The following AUTS2 variants were observed in gnomAD, a reference collection of about 807,000 sequenced individuals.
AUTS2 encodes activator of transcription and developmental regulator AUTS2.
A neutral mutation model predicts 112.4 loss-of-function variants in AUTS2; 17 were observed. The observed-to-expected ratio is 0.15, with a 90% confidence interval of 0.10 to 0.23. The LOEUF (loss-of-function observed/expected upper bound fraction) is 0.23, where lower values mean the gene tolerates loss of function less well. AUTS2 is among the 10% of genes least tolerant of loss of function. The pLI is 1.00. For synonymous variants in AUTS2, 751 were observed against 702.7 expected, an observed-to-expected ratio of 1.07 and a Z score of -1.09; for missense variants, 1,510 against 1,701.6, an observed-to-expected ratio of 0.89 and a Z score of 1.98.
At chr7:70,685,472 CAAAAAAAAAA>C (rs34403837) in intron 5 of AUTS2, among the ~76,000 whole-genome samples, 2 of 65,964 alleles carry the variant, frequency 3.0e-5, no homozygotes, top group Admixed American at 3.1e-4. Context: ...GACTCTGTCT[CAAAAAAAAAA>C]AAAAAAAAAA....
At chr7:70,432,268 T>G (rs1471572040) in intron 4 of AUTS2, among the ~76,000 whole-genome samples, 1 of 152,184 alleles carries the variant, frequency 6.6e-6, no homozygotes, top group Non-Finnish European at 1.5e-5. Flanking sequence ...CCCAGCCTCA[T>G]GCAGAACATA....
At chr7:69,684,287 C>T (rs1441207583) in intron 1 of AUTS2, among the ~76,000 whole-genome samples, 2 of 152,100 alleles carry the variant, frequency 1.3e-5, no homozygotes, top group Admixed American at 6.5e-5. Flanking sequence ...GGGGCACTTG[C>T]ACCTTGGGAC....
chr7:69,824,688 G>GT (rs1458069247), intron 1 of AUTS2: 2 of 151,996 alleles, frequency 1.3e-5, no homozygotes, highest in Admixed American at 6.6e-5. Flanking sequence ...CTTCATTTTG[G>GT]TAAGGCCATG....
intron 1 of AUTS2, among the ~76,000 whole-genome samples, chr7:69,627,996 A>T (rs1794038355): frequency 6.6e-6 from 1 of 152,194 alleles, no homozygotes; most frequent in Admixed American, 6.5e-5. Context: ...TTGAATGATG[A>T]GGAGCGGAAA....
intron 4 of AUTS2, among the ~76,000 whole-genome samples, chr7:70,329,295 A>G (rs1467837375): frequency 2.0e-5 from 3 of 152,142 alleles, no homozygotes; most frequent in African/African-American, 7.2e-5. Context: ...ATATATACCT[A>G]GGAGTGGCAT....
At chr7:69,850,035 C>G (rs1792391388) in intron 1 of AUTS2, among the ~76,000 whole-genome samples, 1 of 151,970 alleles carries the variant, frequency 6.6e-6, no homozygotes, top group Non-Finnish European at 1.5e-5. Flanking sequence ...TGGCTCACAC[C>G]TGTAATCCCA....
chr7:70,241,100 G>A (rs1812588278), intron 4 of AUTS2, among the ~76,000 whole-genome samples: 2 of 152,142 alleles, frequency 1.3e-5, no homozygotes, highest in Admixed American at 1.3e-4. Context: ...GCCTCCTCTA[G>A]GTCTTAATTA....
intron 4 of AUTS2, among the ~76,000 whole-genome samples, chr7:70,166,854 G>T (rs528370826): frequency 6.6e-6 from 1 of 152,254 alleles, no homozygotes; most frequent in South Asian, 2.1e-4. Flanking sequence ...ATTTTGTGCT[G>T]CCTGCAAAAA....
intron 5 of AUTS2, among the ~76,000 whole-genome samples, chr7:70,585,695 C>T (rs1196537569): frequency 2.6e-5 from 4 of 152,096 alleles, no homozygotes; most frequent in South Asian, 2.1e-4. Context: ...TTGAATTCTA[C>T]GGGATGATCA....
intron 1 of AUTS2, among the ~76,000 whole-genome samples, chr7:69,762,471 T>A (rs1788234326): frequency 6.6e-6 from 1 of 151,940 alleles, no homozygotes; most frequent in African/African-American, 2.4e-5. Context: ...CACGCCTGGC[T>A]AATTTTTTTG....
At chr7:70,381,082 C>T (rs538924602) in intron 4 of AUTS2, among the ~76,000 whole-genome samples, 2 of 152,200 alleles carry the variant, frequency 1.3e-5, no homozygotes, top group African/African-American at 4.8e-5. Context: ...TGCTCTCATC[C>T]AACACTTTTG....
At chr7:70,279,551 G>A (rs1788104130) in intron 4 of AUTS2, among the ~76,000 whole-genome samples, 1 of 152,212 alleles carries the variant, frequency 6.6e-6, no homozygotes, top group African/African-American at 2.4e-5. Context: ...GCCCAAATGA[G>A]CGTTGCCCAG....
intron 1 of AUTS2, among the ~76,000 whole-genome samples, chr7:69,835,079 A>G (rs1791663189): frequency 6.6e-6 from 1 of 151,884 alleles, no homozygotes; most frequent in African/African-American, 2.4e-5. Context: ...TTAGCGAAAC[A>G]TCGTGGGTAT....
intron 5 of AUTS2, among the ~76,000 whole-genome samples, chr7:70,545,071 A>T (rs1389826439): frequency 6.6e-6 from 1 of 152,210 alleles, no homozygotes; most frequent in Admixed American, 6.5e-5. Flanking sequence ...TTCATCCAAG[A>T]CAGTGATTCG....
At chr7:70,024,288 A>G (rs914895682) in intron 2 of AUTS2, among the ~76,000 whole-genome samples, 2 of 152,244 alleles carry the variant, frequency 1.3e-5, no homozygotes, top group African/African-American at 4.8e-5. Flanking sequence ...TCAAACAAGC[A>G]GGTACTGGGT....
At chr7:70,624,641 C>A (rs1288568082) in intron 5 of AUTS2, among the ~76,000 whole-genome samples, 3 of 152,082 alleles carry the variant, frequency 2.0e-5, no homozygotes, top group Non-Finnish European at 4.4e-5. Flanking sequence ...TTCTTTCATA[C>A]CCTCCTGAGT....
intron 5 of AUTS2, among the ~76,000 whole-genome samples, chr7:70,560,522 C>A (rs1178706182): frequency 6.6e-6 from 1 of 152,170 alleles, no homozygotes; most frequent in African/African-American, 2.4e-5. Context: ...ATTTTTTAAG[C>A]TTTCTAATAA....
intron 1 of AUTS2, among the ~76,000 whole-genome samples, chr7:69,868,463 T>C (rs1793336382): frequency 6.6e-6 from 1 of 152,172 alleles, no homozygotes; most frequent in Admixed American, 6.5e-5. Context: ...ATGAAGACAG[T>C]AAATTCTTGA....
intron 1 of AUTS2, among the ~76,000 whole-genome samples, chr7:69,747,206 C>G (rs1229773779): frequency 6.6e-6 from 1 of 152,232 alleles, no homozygotes; most frequent in African/African-American, 2.4e-5. Flanking sequence ...CCAGCCAGTG[C>G]TGCTGGTCAG....
Sources: gnomAD v4.1 joint callset for allele counts (sites outside exome capture counted in the v4.1 genomes callset) on GRCh38, gnomAD v4.1.1 for gene constraint, MANE v1.5 for transcripts, NCBI Gene and HGNC (gene_info 2026-07-23, HGNC 2026-07-21) for gene names.